CRPPA: variants seen among roughly 807,000 people sequenced by gnomAD.
The protein encoded by CRPPA is CDP-L-ribitol pyrophosphorylase A.
Under a neutral mutation model 52.0 loss-of-function variants are expected in CRPPA, and 43 were observed. That is an observed-to-expected ratio of 0.83 (90% CI 0.65 to 1.07). The LOEUF (loss-of-function observed/expected upper bound fraction) is 1.07. CRPPA is among the 50% of genes least tolerant of loss of function. CRPPA has a pLI of 0.00. For missense variants in CRPPA, 629 were observed against 551.7 expected (o/e 1.14, Z -1.40); for synonymous variants, 250 against 203.5 (o/e 1.23, Z -1.94).
chr7:16,103,077 T>C (rs1782080972), intron 9 of CRPPA, among the ~76,000 whole-genome samples: 2 of 152,142 alleles, frequency 1.3e-5, no homozygotes, highest in South Asian at 4.1e-4. Flanking sequence ...AATTATAGAC[T>C]GGATAAAGAA....
At position 16,218,664 on chromosome 7, in the gene CRPPA, T is replaced by G. The variant is rs563277843; in HGVS notation, c.1120-2467A>C. On this transcript the variant is annotated intron_variant, in intron 8 of 9. Transcript: ENST00000407010. ...ATCCTAGTCTCTGATAAAACAGACT[T>G]TAAACCAACAAAGATCAAAAGAGAC... is the stretch of plus-strand genomic sequence containing the variant. Among the ~76,000 whole-genome samples, 13 of 86,482 alleles carry G rather than the reference T, an allele frequency of 1.5e-4. No individual in the cohort carries two copies. The East Asian group carries it at 4.1e-3, about 27-fold the overall frequency. The allele number at this position is 86,482 out of a possible 152,430, so 56.7% of individuals were successfully genotyped here.
At chr7:16,221,054 G>C (rs1230001238) in intron 8 of CRPPA, among the ~76,000 whole-genome samples, 1 of 152,052 alleles carries the variant, frequency 6.6e-6, no homozygotes, top group Admixed American at 6.6e-5. Flanking sequence ...ATACTACAAG[G>C]CTACAGTAAC....
rs541379000 is a variant in CRPPA, at chr7:16,227,938, C to T, written c.1120-11741G>A. Among the ~76,000 whole-genome samples the T allele has an allele frequency of 2.0e-4, 30 of 151,976 alleles. No individual in the cohort carries two copies. In the South Asian group the frequency reaches 2.9e-3, roughly 15 times the overall value. The stretch of plus-strand genomic sequence containing the variant: ...TTTGTATATGGTGTGAGATAAGGGT[C>T]TAATTCCATTCTTCTGTGTGTGGAT... On this transcript the variant is annotated intron_variant, in intron 8 of 9. Coordinates refer to ENST00000407010, the MANE Select transcript of CRPPA (RefSeq NM_001101426.4).
intron 3 of CRPPA, among the ~76,000 whole-genome samples, chr7:16,369,355 A>T (rs1240839253): frequency 6.6e-6 from 1 of 152,184 alleles, no homozygotes; most frequent in Non-Finnish European, 1.5e-5. Flanking sequence ...TCTTCTATAC[A>T]ATGTCTGGAA....
At chr7:16,388,246 T>C (rs761005070) in intron 2 of CRPPA, among the ~76,000 whole-genome samples, 1 of 151,934 alleles carries the variant, frequency 6.6e-6, no homozygotes, top group Non-Finnish European at 1.5e-5. Flanking sequence ...CAAGTGGGCA[T>C]GGAGCAACCA....
intron 9 of CRPPA, among the ~76,000 whole-genome samples, chr7:16,214,776 G>A (rs1383078273): frequency 1.3e-5 from 2 of 152,202 alleles, no homozygotes; most frequent in Non-Finnish European, 2.9e-5. Flanking sequence ...CTCCCAAAGT[G>A]TTAGGATTAC....
At chr7:16,262,782 C>G (rs1783843804) in intron 6 of CRPPA, among the ~76,000 whole-genome samples, 1 of 152,158 alleles carries the variant, frequency 6.6e-6, no homozygotes, top group South Asian at 2.1e-4. Flanking sequence ...AATGAATCAA[C>G]TTTTGCCCCC....
intron 9 of CRPPA, among the ~76,000 whole-genome samples, chr7:16,129,019 G>A (rs1782633538): frequency 6.6e-6 from 1 of 152,068 alleles, no homozygotes; most frequent in African/African-American, 2.4e-5. Flanking sequence ...TAAATCCTAA[G>A]AGTAAAAGCA....
chr7:16,375,991 C>G, intron 3 of CRPPA, 101 bp downstream of exon 3: 1 of 1,146,238 alleles, frequency 8.7e-7, no homozygotes, highest in Non-Finnish European at 1.2e-6. Context: ...TTGAGTATAA[C>G]TATACGCTCA....
At chr7:16,286,034 AAAAAATAT>A (rs1562608253) in intron 5 of CRPPA, among the ~76,000 whole-genome samples, 25 of 21,336 alleles carry the variant, frequency 1.2e-3, no homozygotes, top group African/African-American at 4.1e-3. Context: ...AAAAAAAAAA[AAAAAATAT>A]AAATATATAT....
At chr7:16,096,155 C>T (rs547080837) in intron 9 of CRPPA, among the ~76,000 whole-genome samples, 1 of 152,162 alleles carries the variant, frequency 6.6e-6, no homozygotes, top group East Asian at 1.9e-4. Flanking sequence ...CAACTGCTTG[C>T]TAGAACAAAT....
chr7:16,328,908 T>G (rs1483419630), intron 3 of CRPPA, among the ~76,000 whole-genome samples: 1 of 152,170 alleles, frequency 6.6e-6, no homozygotes, highest in Non-Finnish European at 1.5e-5. Flanking sequence ...CTGCCAACTA[T>G]CAAATAACAG....
At position 16,375,958 on chromosome 7, in the gene CRPPA, C is replaced by T. The variant is rs1786868908; in HGVS notation, c.684+134G>A. On this transcript the variant is annotated intron_variant, in intron 3 of 9. Coordinates refer to ENST00000407010, the MANE Select transcript of CRPPA (RefSeq NM_001101426.4). ...CTGATCCAGCTCTATAACCTTAATA[C>T]TTCATTGTAATAAGTCTTAGCCTTG... is the stretch of plus-strand genomic sequence containing the variant. 7 of 837,744 alleles carry T rather than the reference C, an allele frequency of 8.4e-6. No homozygotes were observed. The South Asian group carries it at 1.0e-4, about 12-fold the overall frequency. 51.9% of individuals were successfully genotyped at this position (837,744 alleles called of 1,614,324 possible). A position where few individuals can be genotyped will look rare whatever the true frequency, so the allele number is the denominator to read the frequency against.
chr7:16,223,230 A>G (rs1186015188), intron 8 of CRPPA, among the ~76,000 whole-genome samples: 2 of 152,204 alleles, frequency 1.3e-5, no homozygotes, highest in Non-Finnish European at 2.9e-5. Context: ...CTTAATGTTA[A>G]AAGTCTCAAC....
chr7:16,144,063 C>G (rs1354353070), intron 9 of CRPPA, among the ~76,000 whole-genome samples: 1 of 152,164 alleles, frequency 6.6e-6, no homozygotes, highest in Non-Finnish European at 1.5e-5. Flanking sequence ...GAAGGAAATT[C>G]TAGTGGAGCC....
At chr7:16,327,599 CAAAAAAAAAAA>C (rs71007762) in intron 3 of CRPPA, among the ~76,000 whole-genome samples, 7 of 70,086 alleles carry the variant, frequency 1.0e-4, no homozygotes, top group Non-Finnish European at 1.7e-4. Context: ...GACTCCGTCT[CAAAAAAAAAAA>C]AAAAAAAAAA....
chr7:16,107,135 C>T (rs1782170215), intron 9 of CRPPA, among the ~76,000 whole-genome samples: 1 of 151,826 alleles, frequency 6.6e-6, no homozygotes, highest in African/African-American at 2.4e-5. Flanking sequence ...CAGCAAAGGA[C>T]CGAACATTCA....
chr7:16,108,084 C>A (rs1782192757), intron 9 of CRPPA, among the ~76,000 whole-genome samples: 1 of 151,900 alleles, frequency 6.6e-6, no homozygotes, highest in Non-Finnish European at 1.5e-5. Flanking sequence ...AATACAGTAT[C>A]TACAAAATAA....
chr7:16,169,070 C>T (rs1314252381), intron 9 of CRPPA, among the ~76,000 whole-genome samples: 2 of 152,164 alleles, frequency 1.3e-5, no homozygotes, highest in African/African-American at 4.8e-5. Context: ...GAAACAAGAA[C>T]TTCATTCTCC....
Sources: gnomAD v4.1 joint callset for allele counts (sites outside exome capture counted in the v4.1 genomes callset) on GRCh38, gnomAD v4.1.1 for gene constraint, MANE v1.5 for transcripts, NCBI Gene and HGNC (gene_info 2026-07-23, HGNC 2026-07-21) for gene names.